PRRG2: variants seen among roughly 807,000 people sequenced by gnomAD.
The protein encoded by PRRG2 is proline rich and Gla domain 2, also known as transmembrane gamma-carboxyglutamic acid protein 2.
A neutral mutation model predicts 27.1 loss-of-function variants in PRRG2; 23 were observed. That is an observed-to-expected ratio of 0.85 (90% CI 0.61 to 1.20). The LOEUF is 1.20. Ranked by LOEUF, PRRG2 falls within the 50% of genes most tolerant of loss-of-function variation. The pLI is 0.00. For synonymous variants in PRRG2, 104 were observed against 103.4 expected (o/e 1.01, Z -0.03); for missense variants, 276 against 254.8 (o/e 1.08, Z -0.57).
At position 49,588,437 on chromosome 19, in the gene PRRG2, T is replaced by C. The variant is rs2122253495; in HGVS notation, c.302-60T>C. The C allele has an allele frequency of 2.6e-6, 4 of 1,538,930 alleles. No homozygotes were observed. In the East Asian group the frequency reaches 9.7e-5, roughly 37 times the overall value. ...CTCTTCCCTCAGTGGGAAGGAATTT[T>C]GATGTTGGGGTGGGTGGCAGTCCCC... On this transcript the variant is annotated intron_variant, in intron 4 of 6. Coordinates refer to ENST00000246794, the MANE Select transcript of PRRG2 (RefSeq NM_000951.3).
intron 4 of PRRG2, among the ~76,000 whole-genome samples, chr19:49,586,723 C>A (rs2080673236): frequency 6.6e-6 from 1 of 152,122 alleles, no homozygotes; most frequent in Non-Finnish European, 1.5e-5. Flanking sequence ...TGGTGGTGCA[C>A]ACCTGTAGTC....
In PRRG2 at chr19:49,589,950, C is replaced by G. The variant is rs12979574; in HGVS notation, c.488C>G (p.Thr163Arg). Residue 163 changes from threonine (T) to arginine (R), a missense_variant, in exon 6 of 7, where the codon ACG becomes AGG. Thr to Arg is a moderately conservative substitution (Grantham distance 71). Transcript: ENST00000246794. ...LSPLNPLGPPTPLPPPPPPPP... is the reference protein window; with the variant it reads ...LSPLNPLGPPRPLPPPPPPPP... ...CCTTTGAACCCTCTGGGCCCACCGA[C>G]GCCCCTGCCTCCACCCCCACCCCCA... 6.2e-7 allele frequency: 1 copy of G among 1,607,054 alleles called. No individual in the cohort carries two copies. The highest frequency in any genetic ancestry group is 8.5e-7 in the Non-Finnish European group (1 of 1,179,134).
chr19:49,584,075 T>C, intron 4 of PRRG2, 123 bp downstream of exon 4: 1 of 1,047,446 alleles, frequency 9.5e-7, no homozygotes, highest in Non-Finnish European at 1.3e-6. Context: ...AATTCTGTGC[T>C]CTCTGAAGCT....
At chr19:49,582,263 C>A (rs1391543268) in intron 1 of PRRG2, among the ~76,000 whole-genome samples, 1 of 135,716 alleles carries the variant, frequency 7.4e-6, no homozygotes, top group East Asian at 2.2e-4. Flanking sequence ...AAAAAAAACT[C>A]CTGTGAAAAG....
rs1215539825 is a variant in PRRG2, at chr19:49,583,880, T to C, written c.262-33T>C. 6 of 1,612,050 alleles carry C rather than the reference T, an allele frequency of 3.7e-6. No homozygotes were observed. In the South Asian group the frequency reaches 6.6e-5, roughly 18 times the overall value. ...GAACCTCCCAGCTGAATTCCTGCTT[T>C]TTCCCCTTCTTTTCCACTCCTTCCC... On this transcript the variant is annotated intron_variant, in intron 3 of 6. Transcript: ENST00000246794.
rs199527450 is a variant in PRRG2 at position 49,590,360 on chromosome 19, T to C, written c.591-11T>C. 247 of 1,614,004 alleles carry C rather than the reference T, an allele frequency of 1.5e-4. No homozygotes were observed. Among genetic ancestry groups the C allele is most frequent in the Admixed American group, 8.3e-5 (5 of 59,996 alleles). On this transcript the variant is annotated splice_polypyrimidine_tract_variant and intron_variant, in intron 6 of 6. Coordinates refer to ENST00000246794, the MANE Select transcript of PRRG2 (RefSeq NM_000951.3). ...GATCTTTGACTCCCTAGTGTGCCTTTCCTCTTGCAGCCTCAGGAGGCCTCA... is the reference window on the plus strand; with the variant it reads ...GATCTTTGACTCCCTAGTGTGCCTTCCCTCTTGCAGCCTCAGGAGGCCTCA...
chr19:49,590,783 C>T lies in PRRG2; in HGVS notation c.*394C>T, dbSNP rs1173086218. On this transcript the variant is annotated 3_prime_UTR_variant, in exon 7 of 7. Coordinates refer to ENST00000246794, the MANE Select transcript of PRRG2 (RefSeq NM_000951.3). ...CAGGGTACGCACACGCAGAGCCCCGCCTGTGCACACGCGTGTCTTCGTGCA... is the reference window on the plus strand; with the variant it reads ...CAGGGTACGCACACGCAGAGCCCCGTCTGTGCACACGCGTGTCTTCGTGCA... The T allele has an allele frequency of 7.0e-6, 2 of 285,872 alleles. No individual in the cohort carries two copies. Among genetic ancestry groups the T allele is most frequent in the Non-Finnish European group, 1.4e-5 (2 of 147,408 alleles). 17.7% of individuals were successfully genotyped at this position (285,872 alleles called of 1,614,324 possible). A position where few individuals can be genotyped will look rare whatever the true frequency, so the allele number is the denominator to read the frequency against.
Position 49,589,963 on chromosome 19 carries a change from A to ACCCCCG in PRRG2, c.506_507insGCCCCC (p.Pro172_Pro173dup). ...TGGGCCCACCGACGCCCCTGCCTCC[A>ACCCCCG]CCCCCACCCCCACCCCCAGGCCTCC... On this transcript the variant is annotated inframe_insertion, in exon 6 of 7. Transcript: ENST00000246794. 1 of 1,474,872 alleles carries ACCCCCG rather than the reference A, an allele frequency of 6.8e-7. No individual in the cohort carries two copies. The highest frequency in any genetic ancestry group is 9.1e-7 in the Non-Finnish European group (1 of 1,093,266). The allele number at this position is 1,474,872 out of a possible 1,614,324, so 91.4% of individuals were successfully genotyped here. A position where few individuals can be genotyped will look rare whatever the true frequency, so the allele number is the denominator to read the frequency against.
chr19:49,586,022 G>A (rs113838907), intron 4 of PRRG2, among the ~76,000 whole-genome samples: 1 of 140,092 alleles, frequency 7.1e-6, no homozygotes, highest in Admixed American at 7.5e-5. Flanking sequence ...GGAGGTTGCA[G>A]TGAGCCAAGA....
chr19:49,588,840 A>C (rs534293340), intron 5 of PRRG2, among the ~76,000 whole-genome samples: 5 of 152,246 alleles, frequency 3.3e-5, no homozygotes, highest in African/African-American at 9.6e-5. Flanking sequence ...CCTGGCCCGC[A>C]GTAGGAGCTC....
intron 5 of PRRG2, among the ~76,000 whole-genome samples, chr19:49,589,268 T>C (rs1400251631): frequency 2.0e-5 from 3 of 151,612 alleles, no homozygotes; most frequent in Non-Finnish European, 4.4e-5. Flanking sequence ...GCTGGGATTA[T>C]AGGCGCACTC....
intron 6 of PRRG2, 96 bp from the exon 7 acceptor site, chr19:49,590,275 T>A: frequency 6.4e-7 from 1 of 1,573,256 alleles, no homozygotes; most frequent in South Asian, 1.1e-5. Context: ...GGTCCTGGAT[T>A]GGCTGAGACG....
intron 5 of PRRG2, 60 bp from the exon 6 acceptor site, chr19:49,589,840 C>T: frequency 6.4e-7 from 1 of 1,572,188 alleles, no homozygotes; most frequent in Non-Finnish European, 8.7e-7. Context: ...CCCCTCTCTT[C>T]CTCCCTAGTC....
chr19:49,584,562 G>C lies in PRRG2; in HGVS notation c.301+610G>C, dbSNP rs553496228. ...TGGCTCACTGCAGCCTCAACCTCCC[G>C]GGCTCAAGCGATCTTCCCACCTCAG... is the stretch of plus-strand genomic sequence containing the variant. On this transcript the variant is annotated intron_variant, in intron 4 of 6. Transcript: ENST00000246794. 2.4e-3 allele frequency among the ~76,000 whole-genome samples: 365 copies of C among 152,190 alleles called. 4 individuals are homozygous for C. Among genetic ancestry groups the C allele is most frequent in the Middle Eastern group, 0.017 (5 of 294 alleles).
At chr19:49,586,680 G>A (rs924775202) in intron 4 of PRRG2, among the ~76,000 whole-genome samples, 2 of 152,122 alleles carry the variant, frequency 1.3e-5, no homozygotes, top group Admixed American at 6.5e-5. Context: ...GTGAAACCCC[G>A]TCTCTACTAA....
chr19:49,584,405 C>T (rs569934447), intron 4 of PRRG2, among the ~76,000 whole-genome samples: 4 of 151,286 alleles, frequency 2.6e-5, no homozygotes, highest in African/African-American at 9.7e-5. Context: ...CTCCTGGCAT[C>T]GTGATCTGCC....
chr19:49,588,526 G>T lies in PRRG2; in HGVS notation c.331G>T (p.Ala111Ser). 1 of 1,587,734 alleles carries T rather than the reference G, an allele frequency of 6.3e-7. No homozygotes were observed. The change falls in exon 5 of 7, where the codon GCT (alanine) becomes TCT (serine). Residue 111 changes from alanine to serine, a missense_variant. Transcript: ENST00000246794. ...TGGACGAGTGGATGTGGCCAGCCTG[G>T]CTGTGGGGCTGACAGGTGGCATCCT... is the stretch of plus-strand genomic sequence containing the variant. ...GRGRVDVASL[A>S]VGLTGGILLI...
intron 5 of PRRG2, among the ~76,000 whole-genome samples, chr19:49,588,967 G>A (rs1024665463): frequency 6.6e-6 from 1 of 152,034 alleles, no homozygotes; most frequent in African/African-American, 2.4e-5. Context: ...TGGTGTCTTG[G>A]TGTCTGTGGT....
intron 5 of PRRG2, among the ~76,000 whole-genome samples, chr19:49,589,142 T>TTG (rs2080694718): frequency 6.7e-6 from 1 of 149,254 alleles, no homozygotes; most frequent in African/African-American, 2.5e-5. Context: ...TTTTTTTTTT[T>TTG]TTGAGATGGA....
Sources: gnomAD v4.1 joint callset for allele counts (sites outside exome capture counted in the v4.1 genomes callset) on GRCh38, gnomAD v4.1.1 for gene constraint, MANE v1.5 for transcripts, NCBI Gene and HGNC (gene_info 2026-07-23, HGNC 2026-07-21) for gene names.